The following NBAS variants were observed in gnomAD, a reference collection of about 807,000 sequenced individuals.
NBAS encodes the protein NAG/BC035112 fusion.
NBAS carries 219 observed loss-of-function variants against 302.5 expected under a neutral mutation model. The observed-to-expected ratio is 0.72, with a 90% CI of 0.65 to 0.81. NBAS has a LOEUF of 0.81. NBAS is among the 30% of genes least tolerant of loss of function. The pLI is 0.00. For synonymous variants in NBAS, 1,118 were observed against 1,021.6 expected (o/e 1.09, Z -1.80); for missense variants, 2,932 against 2,841.6 (o/e 1.03, Z -0.72).
intron 6 of NBAS, among the ~76,000 whole-genome samples, chr2:15,550,522 T>C (rs532945620): frequency 1.4e-3 from 209 of 152,168 alleles, no homozygotes; most frequent in African/African-American, 4.3e-3. Context: ...AAATAAAACA[T>C]AGGTAATAGA....
chr2:15,213,527 A>T (rs949491666), intron 48 of NBAS, among the ~76,000 whole-genome samples: 1 of 152,182 alleles, frequency 6.6e-6, no homozygotes, highest in African/African-American at 2.4e-5. Flanking sequence ...ATGCTATTCA[A>T]ATATCAGTGC....
intron 3 of NBAS, among the ~76,000 whole-genome samples, chr2:15,555,890 T>A (rs543665366): frequency 6.6e-6 from 1 of 152,120 alleles, no homozygotes; most frequent in East Asian, 1.9e-4. Flanking sequence ...CAAGACAAGC[T>A]TGACACCTCA....
chr2:15,061,252 C>G, the NBAS span, among the ~76,000 whole-genome samples: 1 of 152,206 alleles, frequency 6.6e-6, no homozygotes, highest in East Asian at 1.9e-4. Flanking sequence ...AAGGTGTTGA[C>G]TGAGATGCAG....
At chr2:15,208,785 G>A (rs1666268526) in intron 48 of NBAS, among the ~76,000 whole-genome samples, 1 of 152,048 alleles carries the variant, frequency 6.6e-6, no homozygotes. Context: ...GAAACCTATA[G>A]GTTACTGTAA....
At chr2:15,259,783 C>G (rs1427478149) in intron 44 of NBAS, among the ~76,000 whole-genome samples, 1 of 152,232 alleles carries the variant, frequency 6.6e-6, no homozygotes, top group Non-Finnish European at 1.5e-5. Context: ...ATGGACCAAA[C>G]CTCCCTTAAC....
rs761282001 is a variant in NBAS, at chr2:15,275,717, G to T, written c.5491C>A (p.Pro1831Thr). ...TGTCCATCCTTTTCAGGGATTTTGG[G>T]AACAAGTTTGGAAATAGACAAGATA... ...QNILSISKLV[P>T]KIPEKDGQML... Residue 1831 changes from proline (P) to threonine (T), a missense_variant, in exon 44 of 52, where the codon CCC becomes ACC. Pro to Thr is a conservative substitution (Grantham distance 38). Coordinates refer to ENST00000281513, the MANE Select transcript of NBAS (RefSeq NM_015909.4). 8.7e-6 allele frequency: 14 copies of T among 1,614,144 alleles called. No individual in the cohort carries two copies. Among genetic ancestry groups the T allele is most frequent in the Admixed American group, 1.7e-5 (1 of 60,022 alleles).
chr2:15,239,399 G>GTATATATATATATATATA (rs374042921), intron 44 of NBAS, among the ~76,000 whole-genome samples: 2 of 133,932 alleles, frequency 1.5e-5, no homozygotes, highest in Admixed American at 1.5e-4. Context: ...GTGTGTGTGT[G>GTATATATATATATATATA]TGTATATATA....
chr2:15,389,280 T>C (rs963323196), intron 28 of NBAS, among the ~76,000 whole-genome samples: 1 of 152,242 alleles, frequency 6.6e-6, no homozygotes, highest in Non-Finnish European at 1.5e-5. Context: ...CTCCCTTTTC[T>C]TTCCTTTATC....
At chr2:15,255,952 A>G (rs1668571801) in intron 44 of NBAS, among the ~76,000 whole-genome samples, 1 of 152,128 alleles carries the variant, frequency 6.6e-6, no homozygotes, top group African/African-American at 2.4e-5. Flanking sequence ...GGTAACTATT[A>G]ATATAGCTTT....
At chr2:14,881,555 C>T in the NBAS span, among the ~76,000 whole-genome samples, 2 of 152,184 alleles carry the variant, frequency 1.3e-5, no homozygotes, top group Non-Finnish European at 2.9e-5. Context: ...AATCTACATG[C>T]AGCCCAGGTA....
chr2:14,783,089 A>C, the NBAS span, among the ~76,000 whole-genome samples: 3 of 152,200 alleles, frequency 2.0e-5, no homozygotes, highest in Non-Finnish European at 2.9e-5. Flanking sequence ...AAACCTGCAC[A>C]TGTACCCCTG....
chr2:15,228,435 C>T (rs1459213566), intron 47 of NBAS, among the ~76,000 whole-genome samples: 2 of 152,050 alleles, frequency 1.3e-5, no homozygotes, highest in Non-Finnish European at 2.9e-5. Context: ...ATGGAGGTTC[C>T]CCTAAAAATT....
chr2:15,430,899 C>G (rs547165924), intron 21 of NBAS, among the ~76,000 whole-genome samples: 12 of 152,140 alleles, frequency 7.9e-5, no homozygotes, highest in African/African-American at 2.4e-4. Flanking sequence ...CTCCGTCTCT[C>G]AAGTGCAAGC....
chr2:15,388,941 C>T (rs1057165583), intron 28 of NBAS, among the ~76,000 whole-genome samples: 2 of 151,958 alleles, frequency 1.3e-5, no homozygotes, highest in African/African-American at 4.8e-5. Context: ...CAAAGTTAAT[C>T]TATAGTGTTT....
chr2:14,938,882 C>A, the NBAS span, among the ~76,000 whole-genome samples: 1 of 152,238 alleles, frequency 6.6e-6, no homozygotes, highest in Admixed American at 6.5e-5. Flanking sequence ...CAGTAGAAGA[C>A]TCTTGGCTCC....
the NBAS span, among the ~76,000 whole-genome samples, chr2:15,052,471 G>T: frequency 6.6e-6 from 1 of 152,234 alleles, no homozygotes; most frequent in East Asian, 1.9e-4. Context: ...ACGATGACCT[G>T]GTGGCTGTCG....
At chr2:14,909,236 C>T in the NBAS span, among the ~76,000 whole-genome samples, 6 of 149,268 alleles carry the variant, frequency 4.0e-5, no homozygotes, top group East Asian at 1.2e-3. Flanking sequence ...AGGAGAATGG[C>T]GTGAATCCGG....
At chr2:15,332,499 T>A (rs1479903042) in intron 35 of NBAS, among the ~76,000 whole-genome samples, 1 of 152,126 alleles carries the variant, frequency 6.6e-6, no homozygotes, top group Non-Finnish European at 1.5e-5. Context: ...TGGCTGTTGT[T>A]TAGGGTTGCC....
chr2:14,946,943 A>G, the NBAS span, among the ~76,000 whole-genome samples: 1 of 152,176 alleles, frequency 6.6e-6, no homozygotes, highest in Admixed American at 6.5e-5. Context: ...TACAAATTAG[A>G]AGAAAATTTT....
Sources: gnomAD v4.1 joint callset for allele counts (sites outside exome capture counted in the v4.1 genomes callset) on GRCh38, gnomAD v4.1.1 for gene constraint, MANE v1.5 for transcripts, NCBI Gene and HGNC (gene_info 2026-07-23, HGNC 2026-07-21) for gene names.